OSBPL2: variants seen among roughly 807,000 people sequenced by gnomAD.
OSBPL2 encodes the protein oxysterol binding protein like 2.
Under a neutral mutation model 58.4 loss-of-function variants are expected in OSBPL2, and 18 were observed. The observed-to-expected ratio is 0.31, with a 90% CI of 0.21 to 0.46. The LOEUF is 0.46. OSBPL2 is among the 20% of genes least tolerant of loss of function. OSBPL2 has a pLI of 1.00. For synonymous variants in OSBPL2, 221 were observed against 234.1 expected (o/e 0.94, Z 0.51); for missense variants, 461 against 616.5 (o/e 0.75, Z 2.67).
Position 62,270,070 on chromosome 20 carries a change from A to C in OSBPL2, c.259-2055A>C, listed in dbSNP as rs1433217264. Among the ~76,000 whole-genome samples the C allele has an allele frequency of 2.0e-5, 3 of 152,160 alleles. No homozygotes were observed. The East Asian group carries it at 5.8e-4, about 29-fold the overall frequency. On this transcript the variant is annotated intron_variant, in intron 4 of 13. Transcript: ENST00000313733. ...CCAGCACGGACGCTGAGTTTTGGGAACCTCGCGGCCCAGGCAGAGCGCGTC... is the reference window on the plus strand; with the variant it reads ...CCAGCACGGACGCTGAGTTTTGGGACCCTCGCGGCCCAGGCAGAGCGCGTC...
intron 3 of OSBPL2, among the ~76,000 whole-genome samples, chr20:62,261,183 G>T (rs1455332968): frequency 6.6e-6 from 1 of 152,086 alleles, no homozygotes. Context: ...GGGCGTGGCT[G>T]TGCGCATCTG....
At position 62,273,303 on chromosome 20, in the gene OSBPL2, T is replaced by G; in HGVS notation, c.394-6T>G. ...TGTGCCTGTCCCCCCCGTGGATTAT[T>G]TACAGTCTGTGGCTGCTTTTGCTGT... On this transcript the variant is annotated splice_region_variant and splice_polypyrimidine_tract_variant and intron_variant, in intron 5 of 13. Coordinates refer to ENST00000313733, the MANE Select transcript of OSBPL2 (RefSeq NM_144498.4). 6.2e-7 allele frequency: 1 copy of G among 1,606,862 alleles called. No individual in the cohort carries two copies. The highest frequency in any genetic ancestry group is 8.5e-7 in the Non-Finnish European group (1 of 1,177,498).
chr20:62,286,500 GA>G, intron 10 of OSBPL2, 82 bp from the exon 11 acceptor site: 1 of 1,491,982 alleles, frequency 6.7e-7, no homozygotes, highest in Non-Finnish European at 9.1e-7. Context: ...TGACTGGTCT[GA>G]AAGGCGCTCT....
chr20:62,282,916 G>T (rs2145968695), intron 9 of OSBPL2, among the ~76,000 whole-genome samples: 1 of 152,308 alleles, frequency 6.6e-6, no homozygotes, highest in Non-Finnish European at 1.5e-5. Flanking sequence ...AAAATAAAAT[G>T]GCCAGGCTTA....
chr20:62,251,217 G>A lies in OSBPL2; in HGVS notation c.-128-4840G>A, dbSNP rs183872820. On this transcript the variant is annotated intron_variant, in intron 1 of 13. Transcript: ENST00000313733. Reference sequence around the variant, plus strand: ...TGCCACTGCGCCGGCCACCACGCCCGGCTAATTTTTTGTTTTTTAGTAGAG... The same window carrying A: ...TGCCACTGCGCCGGCCACCACGCCCAGCTAATTTTTTGTTTTTTAGTAGAG... Among the ~76,000 whole-genome samples the A allele has an allele frequency of 7.2e-4, 109 of 151,160 alleles. No individual in the cohort carries two copies. In the East Asian group the frequency reaches 0.012, roughly 16 times the overall value.
At chr20:62,289,451 C>T in intron 12 of OSBPL2, 121 bp downstream of exon 12, 1 of 1,202,216 alleles carries the variant, frequency 8.3e-7, no homozygotes, top group Non-Finnish European at 1.1e-6. Flanking sequence ...CCCCGTCCCT[C>T]TCCCTAAACA....
intron 1 of OSBPL2, among the ~76,000 whole-genome samples, chr20:62,249,384 C>T (rs1287831472): frequency 1.3e-5 from 2 of 152,202 alleles, no homozygotes; most frequent in Non-Finnish European, 2.9e-5. Context: ...AAGTTTGTTC[C>T]TGAAATACTC....
At chr20:62,259,752 GCAC>G (rs1981169399) in intron 2 of OSBPL2, among the ~76,000 whole-genome samples, 1 of 60,486 alleles carries the variant, frequency 1.7e-5, no homozygotes, top group South Asian at 7.2e-4. Context: ...AGGAGCCTGG[GCAC>G]TGGAGCTCGC....
At position 62,275,493 on chromosome 20, in the gene OSBPL2, C is replaced by T. The variant is rs542466195; in HGVS notation, c.491+2087C>T. 2.6e-5 allele frequency among the ~76,000 whole-genome samples: 4 copies of T among 151,526 alleles called. No individual in the cohort carries two copies. In the East Asian group the frequency reaches 7.8e-4, roughly 30 times the overall value. On this transcript the variant is annotated intron_variant, in intron 6 of 13. Transcript: ENST00000313733. ...GGCTCACTGTAGCCTCGACCTCCTG[C>T]CTTAACCTCCTGGATATGATCACAG...
rs373921032 is a variant in OSBPL2 at position 62,272,142 on chromosome 20, G to A, written c.276G>A (p.Thr92=). The change falls in exon 5 of 14, where the codon ACG becomes ACA. Residue 92 remains threonine (T), a synonymous_variant. Transcript: ENST00000313733. The part of the protein sequence containing the change: ...KCVGLELSKI[T]MPIAFNEPLS... ...CTTTCCAGGAGCTGTCCAAGATCAC[G>A]ATGCCAATCGCCTTCAACGAGCCTC... is the stretch of plus-strand genomic sequence containing the variant. The A allele has an allele frequency of 6.6e-5, 107 of 1,613,724 alleles. No homozygotes were observed. Among genetic ancestry groups the A allele is most frequent in the East Asian group, 1.8e-4 (8 of 44,882 alleles).
At chr20:62,282,783 C>T (rs138136026) in intron 9 of OSBPL2, among the ~76,000 whole-genome samples, 1,621 of 152,310 alleles carry the variant, frequency 0.011, 39 homozygotes, top group African/African-American at 0.037. Flanking sequence ...GCCAAGATCA[C>T]GCCAATGCGC....
chr20:62,246,354 G>A lies in OSBPL2; in HGVS notation c.-129+7757G>A, dbSNP rs142896939. ...GCTTGTAGCCACCTGTGGCCCATAG[G>A]GACGACACTGGACAGATGACATTTC... On this transcript the variant is annotated intron_variant, in intron 1 of 13. Transcript: ENST00000313733. Among the ~76,000 whole-genome samples, 378 of 152,372 alleles carry A rather than the reference G, an allele frequency of 2.5e-3. 1 individual carries two copies. The highest frequency in any genetic ancestry group is 0.014 in the Middle Eastern group (4 of 294).
chr20:62,240,085 T>G (rs1218953413), intron 1 of OSBPL2, among the ~76,000 whole-genome samples: 1 of 152,130 alleles, frequency 6.6e-6, no homozygotes, highest in Non-Finnish European at 1.5e-5. Flanking sequence ...ACTCCTAACC[T>G]CAAGGGATCC....
intron 7 of OSBPL2, chr20:62,280,271 A>G: frequency 2.1e-6 from 1 of 465,560 alleles, no homozygotes; most frequent in Non-Finnish European, 3.6e-6. Context: ...GATGGTGGCT[A>G]GAAGGTTCCA....
chr20:62,258,016 A>C (rs934237135), intron 2 of OSBPL2, among the ~76,000 whole-genome samples: 1 of 151,558 alleles, frequency 6.6e-6, no homozygotes, highest in African/African-American at 2.4e-5. Flanking sequence ...CGCCTGGCCA[A>C]CTCTGAGCTT....
At chr20:62,248,157 T>TTTC (rs1980270564) in intron 1 of OSBPL2, among the ~76,000 whole-genome samples, 1 of 4,598 alleles carries the variant, frequency 2.2e-4, no homozygotes, top group African/African-American at 1.1e-3. Context: ...TTTCTTTTCT[T>TTTC]TTTTTTTTTT....
chr20:62,293,771 C>G lies in OSBPL2; in HGVS notation c.1341-14C>G. The G allele has an allele frequency of 6.2e-7, 1 of 1,612,434 alleles. No homozygotes were observed. Among genetic ancestry groups the G allele is most frequent in the Non-Finnish European group, 8.5e-7 (1 of 1,179,318 alleles). On this transcript the variant is annotated splice_polypyrimidine_tract_variant and intron_variant, in intron 13 of 13. Coordinates refer to ENST00000313733, the MANE Select transcript of OSBPL2 (RefSeq NM_144498.4). Reference sequence around the variant, plus strand: ...GCTGAGCATCTTCTGACCCCCCTCCCTTGTATCCGGCAGGTGGTTCTACCC... The same window carrying G: ...GCTGAGCATCTTCTGACCCCCCTCCGTTGTATCCGGCAGGTGGTTCTACCC...
chr20:62,258,077 G>A (rs1483401578), intron 2 of OSBPL2, among the ~76,000 whole-genome samples: 1 of 152,126 alleles, frequency 6.6e-6, no homozygotes, highest in Non-Finnish European at 1.5e-5. Context: ...TGTGTGATGT[G>A]GTACTCAGAT....
intron 4 of OSBPL2, among the ~76,000 whole-genome samples, chr20:62,271,903 C>T (rs1346995907): frequency 6.6e-6 from 1 of 152,104 alleles, no homozygotes; most frequent in African/African-American, 2.4e-5. Flanking sequence ...TGCCAGAGAC[C>T]TCTGCAGGCT....
Sources: allele counts gnomAD v4.1 joint callset (sites outside exome capture counted in the v4.1 genomes callset), GRCh38; gene constraint gnomAD v4.1.1; transcripts MANE v1.5; gene names NCBI Gene and HGNC (gene_info 2026-07-23, HGNC 2026-07-21).